The following GLIS3 variants were observed in gnomAD, a reference collection of about 807,000 sequenced individuals.
The protein encoded by GLIS3 is GLIS family zinc finger 3.
GLIS3 carries 53 observed loss-of-function variants against 78.6 expected under a neutral mutation model. The observed-to-expected ratio is 0.67, with a 90% CI of 0.54 to 0.85. The LOEUF is 0.85. Among genes scored for constraint, GLIS3 ranks in the 40% least tolerant of loss-of-function variants. The probability of loss-of-function intolerance (pLI) is 0.00; values close to 1 mark genes in which losing one functional copy is unlikely to be tolerated. For synonymous variants in GLIS3, 684 were observed against 509.9 expected, an observed-to-expected ratio of 1.34 and a Z score of -4.60; for missense variants, 1,703 against 1,231.1, an observed-to-expected ratio of 1.38 and a Z score of -5.74.
At chr9:4,448,984 C>G in the GLIS3 span, among the ~76,000 whole-genome samples, 1 of 152,104 alleles carries the variant, frequency 6.6e-6, no homozygotes, top group African/African-American at 2.4e-5. Context: ...GTGGGTGCAG[C>G]CTATGGAGGG....
intron 4 of GLIS3, among the ~76,000 whole-genome samples, chr9:4,019,846 C>T (rs1822735111): frequency 6.6e-6 from 1 of 152,164 alleles, no homozygotes; most frequent in Non-Finnish European, 1.5e-5. Flanking sequence ...AATCCTCCTG[C>T]CTCAGGCCAC....
intron 4 of GLIS3, among the ~76,000 whole-genome samples, chr9:3,964,028 G>C (rs996202330): frequency 1.3e-5 from 2 of 152,052 alleles, no homozygotes; most frequent in Admixed American, 1.3e-4. Flanking sequence ...CTGCGTCCCC[G>C]CACACTAACT....
chr9:4,369,329 G>T, the GLIS3 span, among the ~76,000 whole-genome samples: 70,803 of 152,050 alleles, frequency 0.47, 19,481 homozygotes, highest in Admixed American at 0.61. Flanking sequence ...TCTCTGACAT[G>T]GAATAAAAAT....
chr9:4,297,947 G>A lies in GLIS3; in HGVS notation c.-99+1474C>T, dbSNP rs1229532095. ...TTCCTCGGCGCGGAGCTAGGGGCGG[G>A]TCCGGAGGCGGAGGCGACAGCGCCC... On this transcript the variant is annotated intron_variant, in intron 1 of 10. Coordinates refer to ENST00000381971, the MANE Select transcript of GLIS3 (RefSeq NM_001042413.2). Among the ~76,000 whole-genome samples, 13 of 130,430 alleles carry A rather than the reference G, an allele frequency of 1.0e-4. No homozygotes were observed. In the East Asian group the frequency reaches 2.7e-3, roughly 27 times the overall value. The allele number at this position is 130,430 out of a possible 152,430, so 85.6% of individuals were successfully genotyped here.
the GLIS3 span, among the ~76,000 whole-genome samples, chr9:4,470,254 T>C: frequency 6.6e-6 from 1 of 152,222 alleles, no homozygotes; most frequent in Admixed American, 6.5e-5. Flanking sequence ...ACTCATTTTA[T>C]GAGGCCAGCA....
At chr9:3,960,372 C>CTTTGTTATGGCAGCCCTAG (rs1246076138) in intron 4 of GLIS3, among the ~76,000 whole-genome samples, 1 of 152,184 alleles carries the variant, frequency 6.6e-6, no homozygotes, top group Admixed American at 6.5e-5. Flanking sequence ...GTTTGTGGTA[C>CTTTGTTATGGCAGCCCTAG]TTTGTTATGG....
intron 4 of GLIS3, among the ~76,000 whole-genome samples, chr9:4,011,346 G>A (rs953909892): frequency 1.3e-5 from 2 of 152,200 alleles, no homozygotes; most frequent in African/African-American, 4.8e-5. Flanking sequence ...CAAGGAGTTT[G>A]TGGTAAAATG....
chr9:4,175,759 A>T (rs1816760336), intron 2 of GLIS3, among the ~76,000 whole-genome samples: 1 of 152,238 alleles, frequency 6.6e-6, no homozygotes, highest in South Asian at 2.1e-4. Flanking sequence ...GCAATGTAAC[A>T]AACAGGGATT....
chr9:3,936,818 A>G (rs189857233), intron 5 of GLIS3, among the ~76,000 whole-genome samples: 15 of 152,302 alleles, frequency 9.8e-5, no homozygotes, highest in Admixed American at 9.8e-4. Flanking sequence ...AGGAGGTTGT[A>G]ATATTTAGAA....
intron 2 of GLIS3, among the ~76,000 whole-genome samples, chr9:4,268,016 G>A (rs1826176052): frequency 6.8e-6 from 1 of 147,882 alleles, no homozygotes; most frequent in African/African-American, 2.5e-5. Flanking sequence ...TATATACATA[G>A]ATGTGTATAT....
chr9:3,859,841 G>C (rs1820064792), intron 8 of GLIS3, among the ~76,000 whole-genome samples: 1 of 152,112 alleles, frequency 6.6e-6, no homozygotes, highest in Admixed American at 6.6e-5. Flanking sequence ...ACCAGAAACA[G>C]ATCGCACAAA....
chr9:4,287,211 G>C (rs7024686), intron 1 of GLIS3, among the ~76,000 whole-genome samples: 57,141 of 152,090 alleles, frequency 0.38, 12,836 homozygotes, highest in East Asian at 0.52. Context: ...TAAAATCCTA[G>C]AAAAGAGAAG....
chr9:4,447,321 G>C, the GLIS3 span, among the ~76,000 whole-genome samples: 56,664 of 151,708 alleles, frequency 0.37, 11,421 homozygotes, highest in Middle Eastern at 0.46. Flanking sequence ...TGCTAGGATT[G>C]ATCCATTTGT....
chr9:3,838,291 CT>C (rs1165207270), intron 9 of GLIS3, among the ~76,000 whole-genome samples: 1 of 152,020 alleles, frequency 6.6e-6, no homozygotes, highest in East Asian at 1.9e-4. Flanking sequence ...AAATACAGCC[CT>C]TTTACTGAGG....
intron 2 of GLIS3, among the ~76,000 whole-genome samples, chr9:4,139,257 G>T (rs953373309): frequency 6.6e-6 from 1 of 152,144 alleles, no homozygotes; most frequent in Non-Finnish European, 1.5e-5. Context: ...GCTGCCTCTG[G>T]GTGAGACCCC....
At chr9:3,979,359 T>G (rs144764369) in intron 4 of GLIS3, among the ~76,000 whole-genome samples, 1 of 152,214 alleles carries the variant, frequency 6.6e-6, no homozygotes, top group African/African-American at 2.4e-5. Context: ...CAAAGTTGTA[T>G]TGACTCCTCA....
intron 8 of GLIS3, among the ~76,000 whole-genome samples, chr9:3,862,666 G>A (rs1424129406): frequency 6.6e-6 from 1 of 152,040 alleles, no homozygotes; most frequent in Admixed American, 6.6e-5. Flanking sequence ...CTGCTTTGGG[G>A]GTTAACACTT....
At chr9:4,130,034 G>C (rs1476995936) in intron 2 of GLIS3, among the ~76,000 whole-genome samples, 1 of 152,220 alleles carries the variant, frequency 6.6e-6, no homozygotes, top group East Asian at 1.9e-4. Flanking sequence ...TGTAGGCATT[G>C]TGCCCCTGCT....
intron 6 of GLIS3, among the ~76,000 whole-genome samples, chr9:3,924,168 TCTGTATGACC>T (rs919434051): frequency 2.6e-5 from 4 of 152,212 alleles, no homozygotes; most frequent in Non-Finnish European, 5.9e-5. Context: ...TGTCTGAGTA[TCTGTATGACC>T]CAGAAAGACT....
Sources: allele counts gnomAD v4.1 joint callset (sites outside exome capture counted in the v4.1 genomes callset), GRCh38; gene constraint gnomAD v4.1.1; transcripts MANE v1.5; gene names NCBI Gene and HGNC (gene_info 2026-07-23, HGNC 2026-07-21).